The following EGFR variants were observed in gnomAD, a reference collection of about 807,000 sequenced individuals.
EGFR encodes the protein avian erythroblastic leukemia viral (v-erb-b) oncogene homolog.
In EGFR, 58 loss-of-function variants were observed where a neutral mutation model predicts 143.0. The observed-to-expected ratio is 0.41, with a 90% confidence interval of 0.33 to 0.50. The LOEUF is 0.50. EGFR is among the 20% of genes least tolerant of loss of function. The pLI is 0.39. For missense variants in EGFR, 1,307 were observed against 1,579.0 expected (o/e 0.83, Z 2.92); for synonymous variants, 613 against 594.4 (o/e 1.03, Z -0.45).
chr7:55,182,627 C>A (rs1786939341), intron 20 of EGFR: 1 of 152,220 alleles, frequency 6.6e-6, no homozygotes, highest in South Asian at 2.1e-4. Flanking sequence ...AAGCAGGGAC[C>A]ACCTCCCAGG....
intron 1 of EGFR, among the ~76,000 whole-genome samples, chr7:55,075,539 A>G (rs975085366): frequency 6.6e-6 from 1 of 152,236 alleles, no homozygotes; most frequent in Non-Finnish European, 1.5e-5. Context: ...TCACAGGAAC[A>G]TTGCAGCTGA....
chr7:55,131,851 G>A (rs1793856586), intron 1 of EGFR, among the ~76,000 whole-genome samples: 1 of 151,910 alleles, frequency 6.6e-6, no homozygotes, highest in South Asian at 2.1e-4. Flanking sequence ...CAGCTGTCAT[G>A]GAACAGTGGA....
chr7:55,150,263 C>T (rs17336500), intron 4 of EGFR, among the ~76,000 whole-genome samples: 1,542 of 152,360 alleles, frequency 0.01, 24 homozygotes, highest in African/African-American at 0.035. Context: ...GCTTTTAGCA[C>T]GCCTGCGTAG....
At chr7:55,106,230 G>T (rs546581524) in intron 1 of EGFR, among the ~76,000 whole-genome samples, 57 of 152,242 alleles carry the variant, frequency 3.7e-4, no homozygotes, top group Non-Finnish European at 7.1e-4. Context: ...GGATTTGGAT[G>T]TGTCAGGTAC....
At chr7:55,066,481 A>G (rs993393853) in intron 1 of EGFR, among the ~76,000 whole-genome samples, 5 of 152,248 alleles carry the variant, frequency 3.3e-5, no homozygotes, top group Admixed American at 6.5e-5. Flanking sequence ...GCGGCACACA[A>G]GTAAATCAAA....
chr7:55,062,693 G>GCCAA (rs1382932357), intron 1 of EGFR, among the ~76,000 whole-genome samples: 2 of 152,066 alleles, frequency 1.3e-5, no homozygotes, highest in Non-Finnish European at 2.9e-5. Context: ...GTGGTCCTGG[G>GCCAA]GGCTGTTCTG....
chr7:55,031,952 G>T (rs896087091), intron 1 of EGFR, among the ~76,000 whole-genome samples: 6 of 152,198 alleles, frequency 3.9e-5, no homozygotes, highest in African/African-American at 1.4e-4. Context: ...GGTAGCATGA[G>T]GTGGTGGTCA....
At chr7:55,200,074 T>C (rs1325270562) in intron 23 of EGFR, among the ~76,000 whole-genome samples, 2 of 151,948 alleles carry the variant, frequency 1.3e-5, no homozygotes, top group Non-Finnish European at 2.9e-5. Flanking sequence ...CCAGGAAGAG[T>C]GGGCGTAGAA....
At position 55,019,094 on chromosome 7, in the gene EGFR, C is replaced by T. The variant is rs897206305; in HGVS notation, c.-184C>T. Reference sequence around the variant, plus strand: ...GCACGGTGTGAGCGCCCGACGCGGCCGAGGCGGCCGGAGTCCCGAGCTAGC... The same window carrying T: ...GCACGGTGTGAGCGCCCGACGCGGCTGAGGCGGCCGGAGTCCCGAGCTAGC... On this transcript the variant is annotated 5_prime_UTR_variant, in exon 1 of 28. Transcript: ENST00000275493. 3 of 323,912 alleles carry T rather than the reference C, an allele frequency of 9.3e-6. No individual in the cohort carries two copies. Among genetic ancestry groups the T allele is most frequent in the African/African-American group, 2.2e-5 (1 of 45,546 alleles). 20.1% of individuals were successfully genotyped at this position (323,912 alleles called of 1,614,324 possible). A position where few individuals can be genotyped will look rare whatever the true frequency, so the allele number is the denominator to read the frequency against.
chr7:55,173,886 G>A (rs1562784381), intron 17 of EGFR, 35 bp from the exon 18 acceptor site: 1 of 1,614,198 alleles, frequency 6.2e-7, no homozygotes, highest in Non-Finnish European at 8.5e-7. Flanking sequence ...TGAGGGCTGA[G>A]GTGACCCTTG....
At chr7:55,075,853 G>A (rs974320533) in intron 1 of EGFR, among the ~76,000 whole-genome samples, 2 of 152,108 alleles carry the variant, frequency 1.3e-5, no homozygotes, top group African/African-American at 4.8e-5. Flanking sequence ...AATTTGCTGA[G>A]CTAAAAAGAG....
intron 1 of EGFR, among the ~76,000 whole-genome samples, chr7:55,138,592 G>A (rs1794288576): frequency 1.3e-5 from 2 of 152,140 alleles, no homozygotes; most frequent in Non-Finnish European, 1.5e-5. Context: ...AATAACTTAA[G>A]ACAATATAGA....
At chr7:55,189,323 C>A (rs375978666) in intron 20 of EGFR, among the ~76,000 whole-genome samples, 2 of 152,026 alleles carry the variant, frequency 1.3e-5, no homozygotes, top group African/African-American at 4.8e-5. Context: ...ACGAGGTGGT[C>A]GTGTGGGGAC....
At chr7:55,047,100 G>A (rs1788220129) in intron 1 of EGFR, among the ~76,000 whole-genome samples, 1 of 152,188 alleles carries the variant, frequency 6.6e-6, no homozygotes, top group Non-Finnish European at 1.5e-5. Context: ...CAACAAAGCT[G>A]TAAAGTGGTG....
At chr7:55,077,765 G>C (rs1317482047) in intron 1 of EGFR, among the ~76,000 whole-genome samples, 1 of 152,014 alleles carries the variant, frequency 6.6e-6, no homozygotes, top group Non-Finnish European at 1.5e-5. Context: ...TTTGGTGCTT[G>C]GGGAAAAAAT....
In EGFR at chr7:55,172,885, G is replaced by C. The variant is rs2128952213; in HGVS notation, c.1920-98G>C. ...CTCACTTTCCAAGATCATTCTACAA[G>C]ATGTCAGTGCACTGAAACATGCAGG... is the stretch of plus-strand genomic sequence containing the variant. On this transcript the variant is annotated intron_variant, in intron 16 of 27. Transcript: ENST00000275493. 1.9e-6 allele frequency: 3 copies of C among 1,610,726 alleles called. No individual in the cohort carries two copies. In the East Asian group the frequency reaches 6.7e-5, roughly 36 times the overall value.
At chr7:55,177,954 T>C (rs9642393) in intron 19 of EGFR, among the ~76,000 whole-genome samples, 37,254 of 152,190 alleles carry the variant, frequency 0.24, 5,610 homozygotes, top group East Asian at 0.62. Context: ...GCGTTCCCAT[T>C]GTGCCTGCTG....
intron 1 of EGFR, among the ~76,000 whole-genome samples, chr7:55,141,780 C>G (rs746463461): frequency 4.6e-5 from 7 of 152,154 alleles, no homozygotes; most frequent in Non-Finnish European, 8.8e-5. Flanking sequence ...AACAATGTGA[C>G]TCACAATATT....
rs10233078 is a variant in EGFR at position 55,101,040 on chromosome 7, G to C, written c.89-41246G>C. Reference sequence around the variant, plus strand: ...GCTGGCCTTGGGCTTGCAGACAGCTGATTCTTCTCCTCCCGCGGCTGAGCA... The same window carrying C: ...GCTGGCCTTGGGCTTGCAGACAGCTCATTCTTCTCCTCCCGCGGCTGAGCA... On this transcript the variant is annotated intron_variant, in intron 1 of 27. Coordinates refer to ENST00000275493, the MANE Select transcript of EGFR (RefSeq NM_005228.5). 7.0e-3 allele frequency among the ~76,000 whole-genome samples: 1,064 copies of C among 152,338 alleles called. 12 individuals are homozygous for C. Among genetic ancestry groups the C allele is most frequent in the African/African-American group, 0.024 (1,004 of 41,574 alleles).
Sources: gnomAD v4.1 joint callset for allele counts (sites outside exome capture counted in the v4.1 genomes callset) on GRCh38, gnomAD v4.1.1 for gene constraint, MANE v1.5 for transcripts, NCBI Gene and HGNC (gene_info 2026-07-23, HGNC 2026-07-21) for gene names.